The following UTP4 variants were observed in gnomAD, a reference collection of about 807,000 sequenced individuals.
The protein encoded by UTP4 is U3 small nucleolar RNA-associated protein 4 homolog.
Under a neutral mutation model 82.4 loss-of-function variants are expected in UTP4, and 45 were observed. That is an observed-to-expected ratio of 0.55 (90% CI 0.43 to 0.70). The LOEUF is 0.70. Among genes scored for constraint, UTP4 ranks in the 30% least tolerant of loss-of-function variants. The pLI, the probability that UTP4 is intolerant of heterozygous loss-of-function variation, is 0.00. For synonymous variants in UTP4, 348 were observed against 300.3 expected (o/e 1.16, Z -1.64); for missense variants, 819 against 858.3 (o/e 0.95, Z 0.57).
intron 12 of UTP4, among the ~76,000 whole-genome samples, chr16:69,157,453 C>T (rs1004375366): frequency 5.3e-5 from 8 of 152,186 alleles, no homozygotes; most frequent in Non-Finnish European, 1.2e-4. Context: ...TCTTTTCTCA[C>T]TGGGTTTTTG....
intron 2 of UTP4, 57 bp from the exon 3 acceptor site, chr16:69,136,639 C>T: frequency 6.4e-7 from 1 of 1,558,994 alleles, no homozygotes; most frequent in Non-Finnish European, 8.8e-7. Context: ...TGTGACCACT[C>T]AGTACCGGTA....
At position 69,157,069 on chromosome 16, in the gene UTP4, T is replaced by C; in HGVS notation, c.1288-15T>C. 3 of 1,614,190 alleles carry C rather than the reference T, an allele frequency of 1.9e-6. No individual in the cohort carries two copies. The highest frequency in any genetic ancestry group is 2.5e-6 in the Non-Finnish European group (3 of 1,180,008). ...TCCCTTCTCTCACTGGCTTTTATTA[T>C]TGGTTCACCCAAAGGTTTCCAAAAT... On this transcript the variant is annotated splice_polypyrimidine_tract_variant and intron_variant, in intron 11 of 16. Coordinates refer to ENST00000314423, the MANE Select transcript of UTP4 (RefSeq NM_032830.3).
chr16:69,142,740 G>A (rs1962993721), intron 5 of UTP4, among the ~76,000 whole-genome samples: 1 of 152,128 alleles, frequency 6.6e-6, no homozygotes, highest in African/African-American at 2.4e-5. Flanking sequence ...GTGGGATTTT[G>A]GAAAAGAGCA....
At chr16:69,138,486 C>A (rs1567600656) in intron 4 of UTP4, among the ~76,000 whole-genome samples, 1 of 152,140 alleles carries the variant, frequency 6.6e-6, no homozygotes, top group Non-Finnish European at 1.5e-5. Context: ...AAGTGATCCA[C>A]CTGCCTTGGC....
chr16:69,142,028 T>C lies in UTP4; in HGVS notation c.527-1150T>C, dbSNP rs1324131071. On this transcript the variant is annotated intron_variant, in intron 5 of 16. Coordinates refer to ENST00000314423, the MANE Select transcript of UTP4 (RefSeq NM_032830.3). ...AACTCTTCTCTAAGGCTATTAATAA[T>C]TGTCAAGTGTTTTTCACTCTGCCTG... 4 of 142,898 alleles carry C rather than the reference T, an allele frequency of 2.8e-5. No individual in the cohort carries two copies. The East Asian group carries it at 8.8e-4, about 32-fold the overall frequency. The allele number at this position is 142,898 out of a possible 1,614,324, so 8.9% of individuals were successfully genotyped here.
At chr16:69,147,880 C>A (rs1408125206) in intron 6 of UTP4, among the ~76,000 whole-genome samples, 1 of 151,310 alleles carries the variant, frequency 6.6e-6, no homozygotes, top group Non-Finnish European at 1.5e-5. Flanking sequence ...ATTAGGAATC[C>A]TTTTTTTTTC....
rs1311712158 is a variant in UTP4, at chr16:69,163,076, T to C, written c.1552-7T>C. On this transcript the variant is annotated splice_polypyrimidine_tract_variant and splice_region_variant and intron_variant, in intron 13 of 16. Coordinates refer to ENST00000314423, the MANE Select transcript of UTP4 (RefSeq NM_032830.3). ...AGTTGCCACTTGTGTCTGTTATTTG[T>C]TCCCAGCTTCACTGCACGGTGCCTG... 1 of 1,611,762 alleles carries C rather than the reference T, an allele frequency of 6.2e-7. No individual in the cohort carries two copies. Among genetic ancestry groups the C allele is most frequent in the East Asian group, 2.2e-5 (1 of 44,886 alleles).
At chr16:69,144,002 C>G (rs892343958) in intron 6 of UTP4, among the ~76,000 whole-genome samples, 2 of 151,390 alleles carry the variant, frequency 1.3e-5, no homozygotes, top group East Asian at 3.9e-4. Context: ...ATTCTTCTGC[C>G]TCAGCCTCCC....
At chr16:69,165,706 T>A (rs2288037) in intron 15 of UTP4, 180 bp downstream of exon 15, 7,282 of 686,962 alleles carry the variant, frequency 0.011, 337 homozygotes, top group South Asian at 0.087. Flanking sequence ...CCCTGGTTTG[T>A]GTTCCCACAG....
chr16:69,138,461 C>T (rs1190865585), intron 4 of UTP4, among the ~76,000 whole-genome samples: 1 of 152,180 alleles, frequency 6.6e-6, no homozygotes, highest in Non-Finnish European at 1.5e-5. Flanking sequence ...TGGTCTCGAA[C>T]TCTTGGTCTT....
At chr16:69,150,746 G>T (rs540188732) in intron 7 of UTP4, 38 bp downstream of exon 7, 1 of 1,613,654 alleles carries the variant, frequency 6.2e-7, no homozygotes, top group African/African-American at 1.3e-5. Flanking sequence ...GCTTTACCCT[G>T]CCCAGTTCTG....
chr16:69,159,175 C>G (rs957609177), intron 12 of UTP4, among the ~76,000 whole-genome samples: 1 of 152,030 alleles, frequency 6.6e-6, no homozygotes, highest in African/African-American at 2.4e-5. Context: ...CTCCCAGGTT[C>G]AAGTGATTCT....
chr16:69,168,135 A>G (rs956482772), intron 16 of UTP4, among the ~76,000 whole-genome samples: 5 of 152,176 alleles, frequency 3.3e-5, no homozygotes, highest in Non-Finnish European at 5.9e-5. Flanking sequence ...GAGTGAACTT[A>G]GTTAAAAGCT....
intron 1 of UTP4, 48 bp from the exon 2 acceptor site, chr16:69,133,410 A>G (rs756060594): frequency 1.3e-6 from 2 of 1,551,230 alleles, no homozygotes; most frequent in Non-Finnish European, 1.8e-6. Context: ...TATATGTGAC[A>G]TACTGCAGTT....
At chr16:69,164,163 C>T (rs1034201164) in intron 14 of UTP4, among the ~76,000 whole-genome samples, 4 of 152,060 alleles carry the variant, frequency 2.6e-5, no homozygotes, top group Admixed American at 6.6e-5. Flanking sequence ...GGATTACAGG[C>T]TTGAGCCACC....
chr16:69,142,809 C>A (rs1315549116), intron 5 of UTP4, among the ~76,000 whole-genome samples: 1 of 152,152 alleles, frequency 6.6e-6, no homozygotes, highest in Admixed American at 6.5e-5. Flanking sequence ...ATGTCTCTTT[C>A]CATTTCACCC....
intron 14 of UTP4, among the ~76,000 whole-genome samples, chr16:69,165,042 A>C (rs1377447251): frequency 6.6e-6 from 1 of 152,026 alleles, no homozygotes; most frequent in Non-Finnish European, 1.5e-5. Context: ...AAAAATACAA[A>C]AAATTAGCCG....
intron 5 of UTP4, among the ~76,000 whole-genome samples, chr16:69,141,031 T>C (rs1014035865): frequency 3.3e-5 from 5 of 152,256 alleles, no homozygotes; most frequent in African/African-American, 2.4e-5. Flanking sequence ...GGTATACTTA[T>C]TGTTTAATAG....
chr16:69,165,534 C>T lies in UTP4; in HGVS notation c.1833+8C>T, dbSNP rs1035845957. On this transcript the variant is annotated splice_region_variant and intron_variant, in intron 15 of 16. Transcript: ENST00000314423. ...ATCATTGACAAGTCATTGGTGAGTTCTTCACTGCTACCTCCCAAATCTTCT... is the reference window on the plus strand; with the variant it reads ...ATCATTGACAAGTCATTGGTGAGTTTTTCACTGCTACCTCCCAAATCTTCT... The T allele has an allele frequency of 2.5e-6, 4 of 1,610,128 alleles. No homozygotes were observed. The African/African-American group carries it at 5.3e-5, about 21-fold the overall frequency.
Sources: allele counts gnomAD v4.1 joint callset (sites outside exome capture counted in the v4.1 genomes callset), GRCh38; gene constraint gnomAD v4.1.1; transcripts MANE v1.5; gene names NCBI Gene and HGNC (gene_info 2026-07-23, HGNC 2026-07-21).